PPIL3: variants seen among roughly 807,000 people sequenced by gnomAD.
PPIL3 encodes the protein peptidylprolyl isomerase like 3.
Under a neutral mutation model 20.9 loss-of-function variants are expected in PPIL3, and 13 were observed. That is an observed-to-expected ratio of 0.62 (90% confidence interval 0.40 to 0.99). The LOEUF is 0.99. Among genes scored for constraint, PPIL3 ranks in the 50% least tolerant of loss-of-function variants. The pLI is 0.00. For synonymous variants in PPIL3, 71 were observed against 64.4 expected, an observed-to-expected ratio of 1.10 and a Z score of -0.49; for missense variants, 170 against 195.2, an observed-to-expected ratio of 0.87 and a Z score of 0.77.
chr2:200,879,176 C>A (rs2105770412), intron 5 of PPIL3, among the ~76,000 whole-genome samples: 1 of 151,958 alleles, frequency 6.6e-6, no homozygotes, highest in South Asian at 2.1e-4. Flanking sequence ...TGGAGTGCAG[C>A]AGCACGATCT....
chr2:200,873,138 G>A (rs1235908340), intron 6 of PPIL3, among the ~76,000 whole-genome samples: 1 of 151,930 alleles, frequency 6.6e-6, no homozygotes, highest in Non-Finnish European at 1.5e-5. Context: ...AAAGTGTTGG[G>A]ATTCAGGCAT....
Position 200,887,526 on chromosome 2 carries a change from A to G in PPIL3, c.3+87T>C, listed in dbSNP as rs571422423. 294 of 1,016,986 alleles carry G rather than the reference A, an allele frequency of 2.9e-4. 5 individuals are homozygous for G. The South Asian group carries it at 3.0e-3, about 10-fold the overall frequency. 63.0% of individuals were successfully genotyped at this position (1,016,986 alleles called of 1,614,324 possible). ...ACAATTTCTCCATCTTGCCACTGCA[A>G]TTTCCATGAACTTTTATTGCCCTTG... On this transcript the variant is annotated intron_variant, in intron 2 of 6. Transcript: ENST00000392283.
At chr2:200,887,537 CT>C in intron 2 of PPIL3, 75 bp downstream of exon 2, 3 of 1,166,252 alleles carry the variant, frequency 2.6e-6, no homozygotes, top group East Asian at 2.4e-5. Context: ...TTTCCATGAA[CT>C]TTTATTGCCC....
intron 2 of PPIL3, among the ~76,000 whole-genome samples, chr2:200,887,156 A>T (rs1453575588): frequency 1.3e-5 from 2 of 152,094 alleles, no homozygotes; most frequent in African/African-American, 4.8e-5. Context: ...AGGTCAAGGC[A>T]GGCAGATCAC....
chr2:200,875,915 C>T (rs1386060667), intron 6 of PPIL3, among the ~76,000 whole-genome samples: 1 of 152,088 alleles, frequency 6.6e-6, no homozygotes, highest in Non-Finnish European at 1.5e-5. Flanking sequence ...TGTCTTTCCT[C>T]CCCTTTCCTC....
chr2:200,881,579 G>T, intron 4 of PPIL3, 91 bp from the exon 5 acceptor site: 2 of 1,060,056 alleles, frequency 1.9e-6, no homozygotes, highest in Admixed American at 2.1e-5. Flanking sequence ...TTTATAGTTT[G>T]ACTGCTTAAA....
At chr2:200,880,589 T>A (rs530799740) in intron 5 of PPIL3, among the ~76,000 whole-genome samples, 1 of 152,022 alleles carries the variant, frequency 6.6e-6, no homozygotes, top group Non-Finnish European at 1.5e-5. Flanking sequence ...TCTCACTATG[T>A]TGCCCAGGCT....
At chr2:200,878,722 A>C (rs1469240913) in intron 5 of PPIL3, among the ~76,000 whole-genome samples, 2 of 152,140 alleles carry the variant, frequency 1.3e-5, no homozygotes, top group East Asian at 3.9e-4. Flanking sequence ...CCTAAACAAC[A>C]CATTCTTTCC....
intron 2 of PPIL3, 101 bp downstream of exon 2, chr2:200,887,512 A>G (rs1021985874): frequency 1.7e-5 from 13 of 780,580 alleles, no homozygotes; most frequent in Non-Finnish European, 2.7e-5. Context: ...CAATTTCTCC[A>G]TCTTGCCACT....
At chr2:200,886,513 C>A (rs982435102) in intron 2 of PPIL3, among the ~76,000 whole-genome samples, 3 of 152,036 alleles carry the variant, frequency 2.0e-5, no homozygotes, top group Admixed American at 6.6e-5. Context: ...ACAATCTCCA[C>A]CTCCTGCGTT....
At chr2:200,876,840 A>T in intron 6 of PPIL3, 79 bp downstream of exon 6, 1 of 1,086,264 alleles carries the variant, frequency 9.2e-7, no homozygotes, top group Non-Finnish European at 1.4e-6. Flanking sequence ...TTTCAATATT[A>T]GTTATGCTAC....
chr2:200,888,865 C>T, intron 1 of PPIL3, 91 bp downstream of exon 1: 2 of 462,846 alleles, frequency 4.3e-6, no homozygotes, highest in Non-Finnish European at 9.1e-6. Context: ...ACTGTTCACT[C>T]GCAGTATCCC....
chr2:200,874,035 C>G (rs1218617683), intron 6 of PPIL3, among the ~76,000 whole-genome samples: 2 of 150,844 alleles, frequency 1.3e-5, no homozygotes, highest in Non-Finnish European at 3.0e-5. Context: ...GAAACCCCGT[C>G]TCTACTAAAA....
At chr2:200,881,559 T>C in intron 4 of PPIL3, 71 bp from the exon 5 acceptor site, 1 of 1,288,032 alleles carries the variant, frequency 7.8e-7, no homozygotes, top group South Asian at 1.2e-5. Flanking sequence ...TCCCAAAACT[T>C]AAGGAATACT....
chr2:200,889,204 T>C (rs138655294), upstream of PPIL3: 2 of 374,718 alleles, frequency 5.3e-6, no homozygotes, highest in Non-Finnish European at 1.1e-5. Flanking sequence ...GGAGCTCTAC[T>C]AATAATTGCA....
intron 6 of PPIL3, among the ~76,000 whole-genome samples, chr2:200,874,398 G>C (rs1244371889): frequency 1.3e-5 from 2 of 151,894 alleles, no homozygotes; most frequent in Admixed American, 6.6e-5. Flanking sequence ...TAGGTCTCAG[G>C]TAAAAAGTTA....
At chr2:200,879,309 C>A (rs1456768553) in intron 5 of PPIL3, among the ~76,000 whole-genome samples, 1 of 151,672 alleles carries the variant, frequency 6.6e-6, no homozygotes, top group Non-Finnish European at 1.5e-5. Flanking sequence ...TTGGCAGAGA[C>A]GGGGTTTCAC....
At chr2:200,873,246 T>C (rs1575092606) in intron 6 of PPIL3, among the ~76,000 whole-genome samples, 1 of 149,784 alleles carries the variant, frequency 6.7e-6, no homozygotes, top group Non-Finnish European at 1.5e-5. Context: ...CAGGTTGGAG[T>C]GCAGTAGCAC....
chr2:200,874,276 C>A (rs1020304444), intron 6 of PPIL3, among the ~76,000 whole-genome samples: 1 of 151,272 alleles, frequency 6.6e-6, no homozygotes, highest in South Asian at 2.1e-4. Context: ...GTACTTCAAC[C>A]AAAACATTTT....
Sources: gnomAD v4.1 joint callset for allele counts (sites outside exome capture counted in the v4.1 genomes callset) on GRCh38, gnomAD v4.1.1 for gene constraint, MANE v1.5 for transcripts, NCBI Gene and HGNC (gene_info 2026-07-23, HGNC 2026-07-21) for gene names.